THBS3: variants seen among roughly 807,000 people sequenced by gnomAD.
THBS3 encodes thrombospondin-3.
In THBS3, 78 loss-of-function variants were observed where a neutral mutation model predicts 118.3. The observed-to-expected ratio is 0.66, with a 90% CI of 0.55 to 0.80. THBS3 has a LOEUF of 0.80. Ranked by LOEUF, THBS3 falls within the 30% of genes least tolerant of loss-of-function variation. THBS3 has a pLI of 0.00. For synonymous variants in THBS3, 427 were observed against 475.3 expected, an observed-to-expected ratio of 0.90 and a Z score of 1.32; for missense variants, 1,057 against 1,247.4, an observed-to-expected ratio of 0.85 and a Z score of 2.30.
intron 4 of THBS3, 127 bp from the exon 5 acceptor site, chr1:155,203,666 G>A: frequency 8.2e-7 from 1 of 1,223,344 alleles, no homozygotes; most frequent in South Asian, 1.3e-5. Flanking sequence ...ATGGGGTGCT[G>A]GATGCTGGGA....
At chr1:155,196,784 T>G in intron 21 of THBS3, 1 of 501,484 alleles carries the variant, frequency 2.0e-6, no homozygotes. Context: ...CCTTCACAGA[T>G]TGGCCTGGGT....
At chr1:155,201,318 ACCTCTCT>A in intron 11 of THBS3, 92 bp downstream of exon 11, 3 of 1,574,252 alleles carry the variant, frequency 1.9e-6, no homozygotes, top group Non-Finnish European at 2.6e-6. Flanking sequence ...GCCCAGGCCC[ACCTCTCT>A]CCTATGAAGA....
At chr1:155,199,761 A>T (rs376034323) in intron 16 of THBS3, 43 bp downstream of exon 16, 41 of 1,610,080 alleles carry the variant, frequency 2.5e-5, no homozygotes, top group Middle Eastern at 3.3e-4. Context: ...TCTCAGAAAG[A>T]CAAAAAAAAG....
At chr1:155,209,174 G>A, upstream of THBS3, 1 of 1,487,610 alleles carries the variant, frequency 6.7e-7, no homozygotes, top group Non-Finnish European at 9.0e-7. Flanking sequence ...GATCGGAGGG[G>A]CGGTGGCGGG....
At chr1:155,196,890 C>T in intron 21 of THBS3, 151 bp downstream of exon 21, 1 of 707,208 alleles carries the variant, frequency 1.4e-6, no homozygotes, top group Non-Finnish European at 2.3e-6. Flanking sequence ...TCACCAACAT[C>T]ACTCATAGGT....
Position 155,195,653 on chromosome 1 carries a change from T to C in THBS3, c.*188A>G, listed in dbSNP as rs1668544998. ...TTTCCTGGGGTTAGTGCCTGAGTAA[T>C]ACCCCTTGAAAACTTCTCATCCCCT... is the stretch of plus-strand genomic sequence containing the variant. On this transcript the variant is annotated 3_prime_UTR_variant, in exon 23 of 23. Coordinates refer to ENST00000368378, the MANE Select transcript of THBS3 (RefSeq NM_007112.5). The C allele has an allele frequency of 1.6e-6, 1 of 613,086 alleles. No homozygotes were observed. The highest frequency in any genetic ancestry group is 2.9e-6 in the Non-Finnish European group (1 of 345,854). 38.0% of individuals were successfully genotyped at this position (613,086 alleles called of 1,614,324 possible). A position where few individuals can be genotyped will look rare whatever the true frequency, so the allele number is the denominator to read the frequency against.
chr1:155,200,283 C>T (rs1571890484), intron 14 of THBS3, 168 bp downstream of exon 14: 1 of 1,003,208 alleles, frequency 1.0e-6, no homozygotes, highest in East Asian at 2.5e-5. Flanking sequence ...CTACGCCCTA[C>T]CTCACATTCC....
intron 21 of THBS3, 178 bp from the exon 22 acceptor site, chr1:155,196,304 C>A: frequency 1.4e-6 from 1 of 696,004 alleles, no homozygotes; most frequent in Non-Finnish European, 2.4e-6. Context: ...TTTTCTCAGG[C>A]CTGGGGCCCC....
At position 155,202,796 on chromosome 1, in the gene THBS3, C is replaced by T. The variant is rs1441025731; in HGVS notation, c.957+16G>A. 6.2e-7 allele frequency: 1 copy of T among 1,603,952 alleles called. No individual in the cohort carries two copies. Among genetic ancestry groups the T allele is most frequent in the Admixed American group, 1.7e-5 (1 of 59,354 alleles). On this transcript the variant is annotated intron_variant, in intron 8 of 22. Coordinates refer to ENST00000368378, the MANE Select transcript of THBS3 (RefSeq NM_007112.5). The surrounding 1 kb of genome is among the most constrained non-coding windows in gnomAD (Gnocchi z 5.5). ...CCCCAGTTTTCTGTACCCTTCTGGG[C>T]TCTGACCTCCCTCACCTCATTGATG...
upstream of THBS3, chr1:155,207,982 G>A (rs1159167908): frequency 3.5e-6 from 2 of 568,966 alleles, no homozygotes; most frequent in Non-Finnish European, 5.6e-6. Context: ...TTGGAGGGGG[G>A]GCCAGCAGGC....
Position 155,197,874 on chromosome 1 carries a change from A to G in THBS3, c.2302+6T>C. ...GAAGTGATTGAACTGCATATCCCTT[A>G]CATACCAACTGCCAAGCCAGGGTCA... On this transcript the variant is annotated splice_donor_region_variant and intron_variant, in intron 19 of 22. Coordinates refer to ENST00000368378, the MANE Select transcript of THBS3 (RefSeq NM_007112.5). The surrounding 1 kb of genome is among the most constrained non-coding windows in gnomAD (Gnocchi z 5.0). 1 of 1,614,048 alleles carries G rather than the reference A, an allele frequency of 6.2e-7. No homozygotes were observed. The highest frequency in any genetic ancestry group is 8.5e-7 in the Non-Finnish European group (1 of 1,180,004).
upstream of THBS3, chr1:155,208,897 C>T: frequency 1.9e-6 from 3 of 1,611,584 alleles, no homozygotes; most frequent in South Asian, 1.1e-5. Context: ...TTGGCAAGAG[C>T]CCCCAGACCT....
At chr1:155,196,421 C>T (rs1668684965) in intron 21 of THBS3, 4 of 440,142 alleles carry the variant, frequency 9.1e-6, no homozygotes, top group Admixed American at 3.9e-5. Flanking sequence ...TGAAGTCACC[C>T]GCTTCCCAGG....
chr1:155,208,913 A>C, upstream of THBS3: 1 of 1,611,508 alleles, frequency 6.2e-7, no homozygotes. Flanking sequence ...GACCTGGCCC[A>C]GGCGCACAAG....
intron 17 of THBS3, 72 bp downstream of exon 17, chr1:155,198,337 C>A: frequency 6.3e-7 from 1 of 1,588,582 alleles, no homozygotes; most frequent in South Asian, 1.2e-5. Context: ...TCCTCACTTC[C>A]CAACAGGGCT....
chr1:155,203,577 T>C, intron 4 of THBS3, 38 bp from the exon 5 acceptor site: 1 of 1,611,468 alleles, frequency 6.2e-7, no homozygotes, highest in South Asian at 1.1e-5. Flanking sequence ...AGGGGTGAGG[T>C]GAAGTGAAGA....
At position 155,206,796 on chromosome 1, in the gene THBS3, C is replaced by T. The variant is rs1317495751; in HGVS notation, c.80-390G>A. ...GGTGGAGGTTGCAGTGAGCCGAGATCGCGCCATTGCACTCCAGCCTGGGCA... is the reference window on the plus strand; with the variant it reads ...GGTGGAGGTTGCAGTGAGCCGAGATTGCGCCATTGCACTCCAGCCTGGGCA... On this transcript the variant is annotated intron_variant, in intron 1 of 22. Coordinates refer to ENST00000368378, the MANE Select transcript of THBS3 (RefSeq NM_007112.5). This position sits in a 1 kb window ranked among gnomAD's most constrained non-coding sequence, Gnocchi z 4.2. Among the ~76,000 whole-genome samples the T allele has an allele frequency of 2.0e-5, 3 of 152,110 alleles. No homozygotes were observed. The East Asian group carries it at 5.8e-4, about 29-fold the overall frequency.
chr1:155,200,722 A>G, intron 13 of THBS3, 112 bp from the exon 14 acceptor site: 1 of 1,555,304 alleles, frequency 6.4e-7, no homozygotes, highest in African/African-American at 1.4e-5. Context: ...TGATGGACAA[A>G]CTGCTCAGTA....
chr1:155,207,978 G>A (rs554054340), upstream of THBS3: 19 of 747,458 alleles, frequency 2.5e-5, no homozygotes, highest in Middle Eastern at 4.7e-4. Flanking sequence ...AGAATTGGAG[G>A]GGGGGCCAGC....
Sources: allele counts gnomAD v4.1 joint callset (sites outside exome capture counted in the v4.1 genomes callset), GRCh38; gene constraint gnomAD v4.1.1; non-coding constraint Gnocchi (gnomAD v3.1); transcripts MANE v1.5; gene names NCBI Gene and HGNC (gene_info 2026-07-23, HGNC 2026-07-21).